ZNF578: variants seen among roughly 807,000 people sequenced by gnomAD.
ZNF578 encodes the protein zinc finger protein 578.
ZNF578 carries 8 observed loss-of-function variants against 8.3 expected under a neutral mutation model. The observed-to-expected ratio is 0.96, with a 90% CI of 0.56 to 1.74. ZNF578 has a LOEUF of 1.74. ZNF578 is among the 40% of genes most tolerant of loss of function. The pLI, the probability that ZNF578 is intolerant of heterozygous loss-of-function variation, is 0.00. For missense variants in ZNF578, 726 were observed against 707.5 expected (o/e 1.03, Z -0.30); for synonymous variants, 206 against 232.2 (o/e 0.89, Z 1.03).
intron 2 of ZNF578, among the ~76,000 whole-genome samples, chr19:52,472,601 T>C (rs879520349): frequency 2.6e-5 from 4 of 152,212 alleles, no homozygotes; most frequent in South Asian, 4.1e-4. Context: ...AACCCATTAC[T>C]CTTTTCCATA....
intron 3 of ZNF578, among the ~76,000 whole-genome samples, chr19:52,500,989 C>T (rs2059405106): frequency 6.6e-6 from 1 of 151,618 alleles, no homozygotes; most frequent in Non-Finnish European, 1.5e-5. Flanking sequence ...AGCAATTCTC[C>T]TGCCTCAGCC....
chr19:52,488,193 C>G (rs992749869), intron 2 of ZNF578, among the ~76,000 whole-genome samples: 4 of 152,040 alleles, frequency 2.6e-5, no homozygotes, highest in African/African-American at 9.7e-5. Context: ...CTCAAGTGAT[C>G]CGCTGCCTGG....
At chr19:52,474,292 A>G in intron 2 of ZNF578, 2 of 297,114 alleles carry the variant, frequency 6.7e-6, no homozygotes, top group South Asian at 6.5e-5. Flanking sequence ...AAAGTTGACT[A>G]AAAACTTTGC....
At chr19:52,501,530 G>A (rs539068745) in intron 3 of ZNF578, among the ~76,000 whole-genome samples, 3 of 152,308 alleles carry the variant, frequency 2.0e-5, no homozygotes, top group African/African-American at 7.2e-5. Context: ...TCCTCTGGAT[G>A]CGGTTTGATC....
intron 3 of ZNF578, among the ~76,000 whole-genome samples, 200 bp from the exon 4 acceptor site, chr19:52,501,627 G>C (rs1010294351): frequency 2.4e-4 from 36 of 152,056 alleles, no homozygotes; most frequent in African/African-American, 8.0e-4. Context: ...CCAGGAGGGG[G>C]GCGAGATCTG....
chr19:52,468,296 G>A (rs556645953), intron 2 of ZNF578, among the ~76,000 whole-genome samples: 1 of 152,012 alleles, frequency 6.6e-6, no homozygotes, highest in South Asian at 2.1e-4. Flanking sequence ...ATTATATTAT[G>A]TAAATAAACA....
rs61745577 is a variant in ZNF578 at position 52,511,169 on chromosome 19, T to C, written c.788T>C (p.Ile263Thr). The change falls in exon 6 of 6, where the codon ATA becomes ACA. Residue 263 changes from isoleucine (I) to threonine (T), a missense_variant. Physicochemically the swap from Ile to Thr is moderately conservative, Grantham distance 89 (BLOSUM62 -1). Coordinates refer to ENST00000421239, the MANE Select transcript of ZNF578 (RefSeq NM_001099694.2). The part of the protein sequence containing the change: ...HLGEKQYKFD[I>T]CGKVFNEKRY... ...GGAGAAAAACAATATAAATTTGATA[T>C]ATGTGGCAAAGTCTTTAATGAGAAG... 7,600 of 1,614,190 alleles carry C rather than the reference T, an allele frequency of 4.7e-3. 304 individuals carry two copies. The African/African-American group carries it at 0.086, about 18-fold the overall frequency.
chr19:52,479,108 C>G (rs72483966), intron 2 of ZNF578, among the ~76,000 whole-genome samples: 15,244 of 152,146 alleles, frequency 0.1, 1,302 homozygotes, highest in East Asian at 0.33. Flanking sequence ...GCATGGTAAT[C>G]TCATGCAGAA....
In ZNF578 at chr19:52,471,408, C is replaced by T. The variant is rs12610085; in HGVS notation, c.-122+14450C>T. 1.1e-3 allele frequency among the ~76,000 whole-genome samples: 173 copies of T among 152,268 alleles called. 1 individual carries two copies. The East Asian group carries it at 0.024, about 21-fold the overall frequency. ...CCTAATAAACTCCCTTTTATATATA[C>T]ACAGATCCTATTAGTTCTGTTTCTC... On this transcript the variant is annotated intron_variant, in intron 2 of 5. Coordinates refer to ENST00000421239, the MANE Select transcript of ZNF578 (RefSeq NM_001099694.2).
intron 2 of ZNF578, among the ~76,000 whole-genome samples, chr19:52,489,379 C>T (rs1242886918): frequency 6.6e-6 from 1 of 151,984 alleles, no homozygotes; most frequent in African/African-American, 2.4e-5. Flanking sequence ...CACCTGACGT[C>T]GGGGGTTGGA....
In ZNF578 at chr19:52,462,105, A is replaced by G. The variant is rs539718557; in HGVS notation, c.-122+5147A>G. ...GTAGCACACCATGATCAGCAATGCA[A>G]TCTTTCCAAATCAATATTTCTAAAT... On this transcript the variant is annotated intron_variant, in intron 2 of 5. Coordinates refer to ENST00000421239, the MANE Select transcript of ZNF578 (RefSeq NM_001099694.2). Among the ~76,000 whole-genome samples, 14 of 152,338 alleles carry G rather than the reference A, an allele frequency of 9.2e-5. No homozygotes were observed. The South Asian group carries it at 2.1e-3, about 23-fold the overall frequency.
chr19:52,461,673 G>C (rs1406052008), intron 2 of ZNF578, among the ~76,000 whole-genome samples: 2 of 152,182 alleles, frequency 1.3e-5, no homozygotes, highest in African/African-American at 4.8e-5. Context: ...GGTCATATAT[G>C]AATATTTCTG....
At chr19:52,496,020 CT>C (rs11336917) in intron 3 of ZNF578, among the ~76,000 whole-genome samples, 4,967 of 151,888 alleles carry the variant, frequency 0.033, 284 homozygotes, top group African/African-American at 0.11. Context: ...GTTTAGTTGT[CT>C]TTTTGTTTTT....
chr19:52,460,122 G>A (rs1306698023), intron 2 of ZNF578, among the ~76,000 whole-genome samples: 4 of 151,410 alleles, frequency 2.6e-5, no homozygotes, highest in East Asian at 1.9e-4. Context: ...ATATATATAC[G>A]TGTGTGTATG....
At chr19:52,474,592 G>A (rs944014203) in intron 2 of ZNF578, 6 of 318,928 alleles carry the variant, frequency 1.9e-5, no homozygotes, top group Non-Finnish European at 2.6e-5. Context: ...CTGATGTCAT[G>A]CAAGGTATGA....
chr19:52,484,763 T>TC lies in ZNF578; in HGVS notation c.-121-6560dup, dbSNP rs575724493. 7.8e-3 allele frequency among the ~76,000 whole-genome samples: 1,162 copies of TC among 149,202 alleles called. 17 individuals are homozygous for TC. Among genetic ancestry groups the TC allele is most frequent in the African/African-American group, 0.027 (1,105 of 40,282 alleles). The stretch of plus-strand genomic sequence containing the variant: ...CCACTGAGTACCTTGTGACCCCCAC[T>TC]CTGCCCGCCAGAGAACAACCCCCCT... On this transcript the variant is annotated intron_variant, in intron 2 of 5. Transcript: ENST00000421239.
chr19:52,508,044 T>C (rs1181787370), intron 5 of ZNF578, among the ~76,000 whole-genome samples: 2 of 150,024 alleles, frequency 1.3e-5, no homozygotes, highest in African/African-American at 4.9e-5. Context: ...AGTGAAACTC[T>C]GAATCAAAAA....
chr19:52,478,279 C>T (rs950833392), intron 2 of ZNF578, among the ~76,000 whole-genome samples: 1 of 152,224 alleles, frequency 6.6e-6, no homozygotes, highest in Non-Finnish European at 1.5e-5. Context: ...TACACTAGCT[C>T]TTAATTCCTT....
chr19:52,508,893 ATTTTTTTTT>A (rs869062581), intron 5 of ZNF578, among the ~76,000 whole-genome samples: 9 of 82,048 alleles, frequency 1.1e-4, no homozygotes, highest in Non-Finnish European at 1.5e-4. Flanking sequence ...CTATTAGTCA[ATTTTTTTTT>A]TTTTTTTTTT....
Sources: allele counts gnomAD v4.1 joint callset (sites outside exome capture counted in the v4.1 genomes callset), GRCh38; gene constraint gnomAD v4.1.1; transcripts MANE v1.5; gene names NCBI Gene and HGNC (gene_info 2026-07-23, HGNC 2026-07-21).